The following NALCN variants were observed in gnomAD, a reference collection of about 807,000 sequenced individuals.
NALCN encodes sodium leak channel, non-selective.
In NALCN, 111 loss-of-function variants were observed where a neutral mutation model predicts 225.3. The observed-to-expected ratio is 0.49, with a 90% CI of 0.42 to 0.58. The LOEUF is 0.58. NALCN is among the 20% of genes least tolerant of loss of function. NALCN has a pLI of 0.00. For synonymous variants in NALCN, 764 were observed against 769.0 expected (o/e 0.99, Z 0.11); for missense variants, 1,378 against 2,202.4 (o/e 0.63, Z 7.49).
At chr13:101,226,723 T>C (rs1470967174) in intron 13 of NALCN, among the ~76,000 whole-genome samples, 1 of 152,130 alleles carries the variant, frequency 6.6e-6, no homozygotes, top group Non-Finnish European at 1.5e-5. Flanking sequence ...ACATGGTGCA[T>C]GACCAGGGCA....
intron 37 of NALCN, among the ~76,000 whole-genome samples, 196 bp from the exon 38 acceptor site, chr13:101,069,023 G>A (rs1359410474): frequency 6.6e-6 from 1 of 152,158 alleles, no homozygotes; most frequent in Non-Finnish European, 1.5e-5. Flanking sequence ...ATGCTATGCT[G>A]TTATCTTGTA....
At chr13:101,327,363 T>G (rs1279439015) in intron 7 of NALCN, among the ~76,000 whole-genome samples, 1 of 146,324 alleles carries the variant, frequency 6.8e-6, no homozygotes, top group Non-Finnish European at 1.5e-5. Context: ...CATTTTCAAG[T>G]AATTTTTCTA....
chr13:101,188,194 C>T (rs2039526234), intron 14 of NALCN, among the ~76,000 whole-genome samples: 1 of 152,080 alleles, frequency 6.6e-6, no homozygotes, highest in African/African-American at 2.4e-5. Flanking sequence ...CCGCGGAGTA[C>T]CATACGGCTC....
In NALCN at chr13:101,100,840, C is replaced by A. The variant is rs746511037; in HGVS notation, c.3106G>T (p.Val1036Phe). 1 of 1,611,984 alleles carries A rather than the reference C, an allele frequency of 6.2e-7. No individual in the cohort carries two copies. Among genetic ancestry groups the A allele is most frequent in the African/African-American group, 1.3e-5 (1 of 74,954 alleles). The change falls in exon 27 of 44, where the codon GTT (valine) becomes TTT (phenylalanine). Residue 1036 changes from valine (V) to phenylalanine (F), a missense_variant. Transcript: ENST00000251127. The stretch of plus-strand genomic sequence containing the variant: ...GCCAGTTTTCCAGCAAAAAGCTGAA[C>A]TCCAAAGCTTGCAAAAACGAGCATT... ...TLMLVFASFGVQLFAGKLAKC... is the reference protein window; with the variant it reads ...TLMLVFASFGFQLFAGKLAKC...
intron 28 of NALCN, among the ~76,000 whole-genome samples, chr13:101,094,144 G>T (rs12867371): frequency 2.0e-5 from 3 of 152,070 alleles, no homozygotes; most frequent in African/African-American, 4.8e-5. Context: ...CTTTGGAGGG[G>T]GGTACCCTTT....
intron 14 of NALCN, among the ~76,000 whole-genome samples, chr13:101,178,664 A>C (rs2039063877): frequency 6.6e-6 from 1 of 152,186 alleles, no homozygotes; most frequent in African/African-American, 2.4e-5. Context: ...GAGAAGTTTT[A>C]ATTTTCCTTT....
chr13:101,181,258 A>G, intron 14 of NALCN: 2 of 518,934 alleles, frequency 3.9e-6, no homozygotes, highest in Non-Finnish European at 7.7e-6. Context: ...GCTTCCAGGC[A>G]GAGGGTTTGG....
At chr13:101,189,380 T>C (rs73556694) in intron 14 of NALCN, among the ~76,000 whole-genome samples, 6,057 of 152,222 alleles carry the variant, frequency 0.04, 386 homozygotes, top group African/African-American at 0.14. Context: ...ATTTAACATT[T>C]ATTAATATAT....
intron 10 of NALCN, among the ~76,000 whole-genome samples, chr13:101,259,012 A>G (rs1402584767): frequency 2.0e-5 from 3 of 152,246 alleles, no homozygotes; most frequent in Non-Finnish European, 2.9e-5. Context: ...TGGAAAAGTA[A>G]GAGAAACCTG....
chr13:101,089,025 G>A lies in NALCN; in HGVS notation c.3489+638C>T, dbSNP rs2034077791. Among the ~76,000 whole-genome samples, 1 of 151,572 alleles carries A rather than the reference G, an allele frequency of 6.6e-6. No individual in the cohort carries two copies. Among genetic ancestry groups the A allele is most frequent in the African/African-American group, 2.4e-5 (1 of 41,190 alleles). On this transcript the variant is annotated intron_variant, in intron 30 of 43. Transcript: ENST00000251127. This position sits in a 1 kb window ranked among gnomAD's most constrained non-coding sequence, Gnocchi z 4.7. ...CGATTCTCATGCCTCAGCCAACCCA[G>A]TAGCTGGGATTACAGGCATGCGCCA...
intron 13 of NALCN, among the ~76,000 whole-genome samples, chr13:101,210,206 G>A (rs907055356): frequency 6.6e-6 from 1 of 152,034 alleles, no homozygotes; most frequent in African/African-American, 2.4e-5. Context: ...ATGCACATGT[G>A]CTCAGCCAGA....
intron 18 of NALCN, 152 bp from the exon 19 acceptor site, chr13:101,111,378 C>T: frequency 1.7e-6 from 1 of 592,352 alleles, no homozygotes; most frequent in Non-Finnish European, 2.7e-6. Context: ...GGAAAATGAA[C>T]TTTACGCTCT....
intron 6 of NALCN, among the ~76,000 whole-genome samples, chr13:101,353,260 T>C (rs967068821): frequency 1.3e-5 from 2 of 152,216 alleles, no homozygotes; most frequent in African/African-American, 4.8e-5. Flanking sequence ...GATATAAAAA[T>C]TTAGCAAGAC....
At chr13:101,403,898 T>G (rs1463858825) in intron 1 of NALCN, among the ~76,000 whole-genome samples, 1 of 152,230 alleles carries the variant, frequency 6.6e-6, no homozygotes, top group Non-Finnish European at 1.5e-5. Flanking sequence ...CCGGGACTCT[T>G]CACCTCAAAC....
chr13:101,286,551 T>C (rs1320118809), intron 9 of NALCN, among the ~76,000 whole-genome samples: 1 of 152,160 alleles, frequency 6.6e-6, no homozygotes, highest in Non-Finnish European at 1.5e-5. Context: ...AACCATACCA[T>C]GCTGAATGAG....
intron 7 of NALCN, among the ~76,000 whole-genome samples, chr13:101,331,802 T>C (rs1239694045): frequency 6.6e-6 from 1 of 152,094 alleles, no homozygotes. Context: ...CCATTTTCTG[T>C]ATGGGCAACA....
intron 22 of NALCN, among the ~76,000 whole-genome samples, chr13:101,105,797 A>G (rs9554754): frequency 0.17 from 26,179 of 152,176 alleles, 2,731 homozygotes; most frequent in South Asian, 0.35. Flanking sequence ...GGCAATCAAG[A>G]GAGAGCCAGG....
chr13:101,065,271 C>T (rs2032278978), intron 40 of NALCN, 133 bp downstream of exon 40: 5 of 933,802 alleles, frequency 5.4e-6, no homozygotes, highest in African/African-American at 1.7e-5. Context: ...GGACATGTGA[C>T]CCCACTTCAC....
At chr13:101,086,461 A>T (rs897538130) in intron 30 of NALCN, among the ~76,000 whole-genome samples, 1 of 151,978 alleles carries the variant, frequency 6.6e-6, no homozygotes, top group Admixed American at 6.6e-5. Flanking sequence ...TATTGTCTTA[A>T]TATTTCCAAA....
Sources: gnomAD v4.1 joint callset for allele counts (sites outside exome capture counted in the v4.1 genomes callset) on GRCh38, gnomAD v4.1.1 for gene constraint, Gnocchi (gnomAD v3.1) non-coding constraint, MANE v1.5 for transcripts, NCBI Gene and HGNC (gene_info 2026-07-23, HGNC 2026-07-21) for gene names.